The following UNC5D variants were observed in gnomAD, a reference collection of about 807,000 sequenced individuals.
UNC5D encodes netrin receptor UNC5D.
UNC5D carries 39 observed loss-of-function variants against 105.4 expected under a neutral mutation model. That is an observed-to-expected ratio of 0.37 (90% CI 0.29 to 0.48). The LOEUF is 0.48. UNC5D is among the 20% of genes least tolerant of loss of function. The pLI is 0.98. For synonymous variants in UNC5D, 452 were observed against 450.4 expected (o/e 1.00, Z -0.04); for missense variants, 991 against 1,202.4 (o/e 0.82, Z 2.60).
chr8:35,759,463 C>G lies in UNC5D; in HGVS notation c.2307C>G (p.Ala769=), dbSNP rs757882658. 1.2e-6 allele frequency: 2 copies of G among 1,612,196 alleles called. No individual in the cohort carries two copies. Among genetic ancestry groups the G allele is most frequent in the Non-Finnish European group, 1.7e-6 (2 of 1,179,534 alleles). ...TCTGGAGAATTAAACCATTCACTGC[C>G]TGCCAGGTACTGGCCAAATGGGTTT... The part of the protein sequence containing the change: ...PFLWRIKPFT[A]CQEVPFSRVW... Residue 769 remains alanine, a synonymous_variant, in exon 14 of 17, where the codon GCC becomes GCG. Coordinates refer to ENST00000404895, the MANE Select transcript of UNC5D (RefSeq NM_080872.4).
chr8:35,455,678 A>C (rs1258710356), intron 1 of UNC5D, among the ~76,000 whole-genome samples: 1 of 151,820 alleles, frequency 6.6e-6, no homozygotes, highest in East Asian at 1.9e-4. Context: ...AAAAAAAAAA[A>C]CAAAAAAAAA....
intron 1 of UNC5D, among the ~76,000 whole-genome samples, chr8:35,310,875 T>A (rs1808824974): frequency 6.6e-6 from 1 of 152,148 alleles, no homozygotes; most frequent in Non-Finnish European, 1.5e-5. Flanking sequence ...AATATATGAA[T>A]ACCTGGGGAA....
chr8:35,293,920 A>G (rs1807265630), intron 1 of UNC5D, among the ~76,000 whole-genome samples: 1 of 152,212 alleles, frequency 6.6e-6, no homozygotes, highest in African/African-American at 2.4e-5. Context: ...GGGAGTACGT[A>G]GGCTACTTAG....
chr8:35,742,788 C>T (rs1436340207), intron 11 of UNC5D, among the ~76,000 whole-genome samples: 1 of 152,144 alleles, frequency 6.6e-6, no homozygotes, highest in African/African-American at 2.4e-5. Context: ...GTTGGTGCCT[C>T]GTAGCTGACC....
intron 16 of UNC5D, among the ~76,000 whole-genome samples, chr8:35,776,929 C>T (rs1259975418): frequency 6.6e-6 from 1 of 152,088 alleles, no homozygotes; most frequent in Non-Finnish European, 1.5e-5. Flanking sequence ...TCAAGACCGG[C>T]CTGCACTTAG....
chr8:35,264,572 A>G (rs951420966), intron 1 of UNC5D, among the ~76,000 whole-genome samples: 3 of 152,106 alleles, frequency 2.0e-5, no homozygotes, highest in South Asian at 4.1e-4. Context: ...TACTAAAAAT[A>G]CAAAAATTAT....
At chr8:35,402,402 A>C (rs1318349695) in intron 1 of UNC5D, among the ~76,000 whole-genome samples, 2 of 152,028 alleles carry the variant, frequency 1.3e-5, no homozygotes, top group African/African-American at 2.4e-5. Context: ...AAACCATCTT[A>C]TCTCGTAAGA....
At chr8:35,260,350 TCTA>T (rs1021553670) in intron 1 of UNC5D, among the ~76,000 whole-genome samples, 11 of 152,176 alleles carry the variant, frequency 7.2e-5, no homozygotes, top group African/African-American at 2.4e-4. Flanking sequence ...ATAGAAAAGA[TCTA>T]CTGACTCAGG....
At position 35,457,399 on chromosome 8, in the gene UNC5D, T is replaced by C. The variant is rs144174627; in HGVS notation, c.104-91893T>C. 2.9e-3 allele frequency among the ~76,000 whole-genome samples: 446 copies of C among 152,302 alleles called. 2 individuals are homozygous for C. The highest frequency in any genetic ancestry group is 0.01 in the African/African-American group (421 of 41,584). On this transcript the variant is annotated intron_variant, in intron 1 of 16. Coordinates refer to ENST00000404895, the MANE Select transcript of UNC5D (RefSeq NM_080872.4). ...CTGCTCCATCTCAACAGAATGACAA[T>C]GACCAGGGTCTAACTGTCTACAACT...
intron 1 of UNC5D, among the ~76,000 whole-genome samples, chr8:35,320,656 C>T (rs1258932422): frequency 1.3e-5 from 2 of 152,118 alleles, no homozygotes; most frequent in South Asian, 2.1e-4. Flanking sequence ...CTTATTGCTA[C>T]AAAGACTCTG....
chr8:35,271,230 T>C (rs1260407902), intron 1 of UNC5D, among the ~76,000 whole-genome samples: 1 of 148,110 alleles, frequency 6.8e-6, no homozygotes, highest in Non-Finnish European at 1.5e-5. Context: ...TATACCTGTA[T>C]AAATATAGGT....
intron 1 of UNC5D, among the ~76,000 whole-genome samples, chr8:35,359,206 T>C (rs1801726249): frequency 6.6e-6 from 1 of 152,248 alleles, no homozygotes; most frequent in Non-Finnish European, 1.5e-5. Context: ...AGTATATTTG[T>C]TTTTGAATGC....
intron 7 of UNC5D, among the ~76,000 whole-genome samples, chr8:35,704,960 CTTTT>C (rs1001514087): frequency 1.7e-5 from 2 of 115,592 alleles, no homozygotes; most frequent in Non-Finnish European, 3.4e-5. Flanking sequence ...TGCTGAATGC[CTTTT>C]TTTTTTTTTT....
intron 3 of UNC5D, among the ~76,000 whole-genome samples, chr8:35,589,564 G>A (rs1475225924): frequency 5.9e-5 from 9 of 152,036 alleles, no homozygotes; most frequent in Admixed American, 5.9e-4. Flanking sequence ...TCACAGAGTT[G>A]TATAACCATC....
At chr8:35,353,125 C>T (rs911653609) in intron 1 of UNC5D, among the ~76,000 whole-genome samples, 5 of 152,138 alleles carry the variant, frequency 3.3e-5, no homozygotes, top group East Asian at 1.9e-4. Context: ...AAAAGACCAA[C>T]GGAACTTAGG....
chr8:35,719,989 C>T (rs963188787), intron 8 of UNC5D, among the ~76,000 whole-genome samples: 1 of 152,126 alleles, frequency 6.6e-6, no homozygotes, highest in Admixed American at 6.5e-5. Flanking sequence ...CACACTGAGC[C>T]ATATCAAACA....
At chr8:35,480,861 T>C (rs1251263460) in intron 1 of UNC5D, among the ~76,000 whole-genome samples, 1 of 152,150 alleles carries the variant, frequency 6.6e-6, no homozygotes, top group African/African-American at 2.4e-5. Context: ...TTCACTGAGA[T>C]GAGGAAGAAT....
chr8:35,748,686 C>A lies in UNC5D; in HGVS notation c.1926C>A (p.Gly642=), dbSNP rs1345800351. ...NIHLKKRTQQ[G]KWEEVMSVED... ...ATTTAAAGAAGAGGACACAGCAGGG[C>A]AAATGGGAGGTGAGACCCTTTACTT... is the stretch of plus-strand genomic sequence containing the variant. Residue 642 remains glycine, a synonymous_variant, in exon 12 of 17, where the codon GGC becomes GGA. Coordinates refer to ENST00000404895, the MANE Select transcript of UNC5D (RefSeq NM_080872.4). 1 of 1,613,028 alleles carries A rather than the reference C, an allele frequency of 6.2e-7. No individual in the cohort carries two copies. Among genetic ancestry groups the A allele is most frequent in the East Asian group, 2.2e-5 (1 of 44,822 alleles).
chr8:35,774,616 A>T, intron 16 of UNC5D, 139 bp downstream of exon 16: 1 of 1,142,190 alleles, frequency 8.8e-7, no homozygotes, highest in East Asian at 2.6e-5. Flanking sequence ...TGTTCCCACT[A>T]AGTAAGTGGG....
Sources: allele counts gnomAD v4.1 joint callset (sites outside exome capture counted in the v4.1 genomes callset), GRCh38; gene constraint gnomAD v4.1.1; transcripts MANE v1.5; gene names NCBI Gene and HGNC (gene_info 2026-07-23, HGNC 2026-07-21).